Variants in TRIO observed in about 807,000 individuals in gnomAD.
TRIO encodes the protein triple functional domain protein.
A neutral mutation model predicts 351.9 loss-of-function variants in TRIO; 58 were observed. The ratio of observed to expected loss-of-function variants is 0.16; its 90% CI spans 0.13 to 0.21. The LOEUF (loss-of-function observed/expected upper bound fraction) is 0.21. TRIO is among the 10% of genes least tolerant of loss of function. TRIO has a pLI of 1.00. For missense variants in TRIO, 3,201 were observed against 4,027.8 expected (o/e 0.79, Z 5.56); for synonymous variants, 1,758 against 1,595.7 (o/e 1.10, Z -2.42).
chr5:14,363,787 T>C lies in TRIO; in HGVS notation c.2447T>C (p.Phe816Ser), dbSNP rs1243976587. 1 of 1,614,096 alleles carries C rather than the reference T, an allele frequency of 6.2e-7. No homozygotes were observed. Among genetic ancestry groups the C allele is most frequent in the Non-Finnish European group, 8.5e-7 (1 of 1,180,042 alleles). The change falls in exon 14 of 57, where the codon TTC (phenylalanine) becomes TCC (serine). Residue 816 changes from phenylalanine to serine, a missense_variant. By Grantham distance (155) the Phe-to-Ser change is radical (BLOSUM62 -2). Coordinates refer to ENST00000344204, the MANE Select transcript of TRIO (RefSeq NM_007118.4). ...NDELSQQMND[F>S]DTEDLTIAEQ... is the part of the protein sequence containing the mutation. ...GAGCTTTCTCAGCAAATGAATGACT[T>C]CGACACAGAAGATCTCACGATTGCA...
intron 1 of TRIO, among the ~76,000 whole-genome samples, chr5:14,201,323 G>C (rs1791095544): frequency 6.6e-6 from 1 of 152,040 alleles, no homozygotes; most frequent in South Asian, 2.1e-4. Context: ...AATTTAAGAA[G>C]ATTCTGCTTC....
At chr5:14,387,066 A>T (rs1746608200) in intron 21 of TRIO, among the ~76,000 whole-genome samples, 1 of 152,234 alleles carries the variant, frequency 6.6e-6, no homozygotes, top group Non-Finnish European at 1.5e-5. Context: ...TAGAGCGAGG[A>T]GCTGTCTTTG....
rs144645388 is a variant in TRIO at position 14,335,022 on chromosome 5, C to CGTGT, written c.1855-1497_1855-1494dup. On this transcript the variant is annotated intron_variant, in intron 10 of 56. Coordinates refer to ENST00000344204, the MANE Select transcript of TRIO (RefSeq NM_007118.4). ...TGAAAGCTGCTTTTTAGATCTGTCT[C>CGTGT]GTGTGTGTGTGTGTGTGTGTACACA... is the stretch of plus-strand genomic sequence containing the variant. Among the ~76,000 whole-genome samples the CGTGT allele has an allele frequency of 3.1e-3, 470 of 150,588 alleles. 2 individuals are homozygous for CGTGT. Among genetic ancestry groups the CGTGT allele is most frequent in the African/African-American group, 4.1e-3 (168 of 41,150 alleles).
intron 8 of TRIO, among the ~76,000 whole-genome samples, chr5:14,306,141 G>C (rs1426468467): frequency 6.6e-6 from 1 of 152,208 alleles, no homozygotes; most frequent in Non-Finnish European, 1.5e-5. Flanking sequence ...TTCAGAATGT[G>C]GGCAGTCCTT....
chr5:14,155,997 A>G (rs164524), intron 1 of TRIO, among the ~76,000 whole-genome samples: 9,702 of 152,188 alleles, frequency 0.064, 1,065 homozygotes, highest in African/African-American at 0.22. Flanking sequence ...ACTTTGTACT[A>G]TAAGGAAGAG....
intron 27 of TRIO, among the ~76,000 whole-genome samples, chr5:14,393,154 A>G (rs1414301294): frequency 6.6e-6 from 1 of 152,116 alleles, no homozygotes; most frequent in Non-Finnish European, 1.5e-5. Context: ...ACAGAAAACC[A>G]AACACCACAT....
intron 19 of TRIO, among the ~76,000 whole-genome samples, chr5:14,377,339 A>G (rs1387114586): frequency 6.6e-6 from 1 of 151,074 alleles, no homozygotes; most frequent in African/African-American, 2.4e-5. Context: ...TCTGCCTCCC[A>G]GGTTCAAGGA....
intron 1 of TRIO, among the ~76,000 whole-genome samples, chr5:14,226,418 G>A (rs1211978637): frequency 6.6e-6 from 1 of 152,174 alleles, no homozygotes; most frequent in Non-Finnish European, 1.5e-5. Flanking sequence ...CAGCTTTCTG[G>A]TTGTGAACAA....
chr5:14,376,296 T>G (rs1277912033), intron 19 of TRIO, among the ~76,000 whole-genome samples: 1 of 152,202 alleles, frequency 6.6e-6, no homozygotes, highest in African/African-American at 2.4e-5. Context: ...TTTCTTAAGT[T>G]TTTTGTTTGT....
chr5:14,247,062 A>AC (rs1240172522), intron 1 of TRIO, among the ~76,000 whole-genome samples: 1 of 151,610 alleles, frequency 6.6e-6, no homozygotes, highest in African/African-American at 2.4e-5. Context: ...CTGTCTGTCC[A>AC]CCCCCCACCT....
At chr5:14,340,398 A>G (rs78934411) in intron 11 of TRIO, among the ~76,000 whole-genome samples, 6 of 38,812 alleles carry the variant, frequency 1.5e-4, no homozygotes, top group African/African-American at 3.8e-4. Flanking sequence ...CTCCGTCTGG[A>G]AAAAAAAAAA....
intron 1 of TRIO, among the ~76,000 whole-genome samples, chr5:14,190,888 G>A (rs1041014186): frequency 1.2e-4 from 18 of 152,128 alleles, no homozygotes; most frequent in African/African-American, 3.6e-4. Context: ...GCCAGATAAC[G>A]GATAGCCATT....
chr5:14,461,035 C>T lies in TRIO; in HGVS notation c.5220C>T (p.Ser1740=). The T allele has an allele frequency of 1.9e-6, 3 of 1,577,484 alleles. No homozygotes were observed. Among genetic ancestry groups the T allele is most frequent in the Non-Finnish European group, 2.6e-6 (3 of 1,160,334 alleles). The part of the protein sequence containing the change: ...IFNHKDSLSV[S]SNDASPPASV... ...CCCTGGCAGACTCGCTCTCCGTCTC[C>T]AGCAATGACGCCAGTCCACCCGCAT... Residue 1740 remains serine, a synonymous_variant, in exon 35 of 57, where the codon TCC becomes TCT. Transcript: ENST00000344204.
At chr5:14,346,813 T>C (rs527958891) in intron 11 of TRIO, among the ~76,000 whole-genome samples, 1 of 152,304 alleles carries the variant, frequency 6.6e-6, no homozygotes, top group South Asian at 2.1e-4. Context: ...ATGGCTATAA[T>C]AAAAGAATCA....
intron 31 of TRIO, among the ~76,000 whole-genome samples, chr5:14,401,490 G>A (rs922008887): frequency 1.3e-5 from 2 of 152,210 alleles, no homozygotes; most frequent in South Asian, 2.1e-4. Context: ...GAGGCCAACC[G>A]TACCCACAGT....
chr5:14,420,947 C>A (rs1750075167), intron 34 of TRIO: 1 of 152,238 alleles, frequency 6.6e-6, no homozygotes, highest in South Asian at 2.1e-4. Flanking sequence ...GGCGAAAGAA[C>A]TAGGCATTCA....
At chr5:14,297,307 A>T (rs1737447996) in intron 7 of TRIO, 44 bp downstream of exon 7, 11 of 1,578,254 alleles carry the variant, frequency 7.0e-6, no homozygotes, top group Non-Finnish European at 9.5e-6. Flanking sequence ...TAACCAGAAT[A>T]GTTCTTCCTC....
intron 27 of TRIO, among the ~76,000 whole-genome samples, 166 bp from the exon 28 acceptor site, chr5:14,393,872 G>A (rs1199141830): frequency 1.3e-5 from 2 of 152,146 alleles, no homozygotes; most frequent in African/African-American, 2.4e-5. Flanking sequence ...AAGCAAAGAA[G>A]TTTGTGTTAA....
chr5:14,279,231 A>G lies in TRIO; in HGVS notation c.233-1091A>G, dbSNP rs140969135. 4.8e-4 allele frequency among the ~76,000 whole-genome samples: 73 copies of G among 152,334 alleles called. No homozygotes were observed. In the East Asian group the frequency reaches 0.012, roughly 26 times the overall value. ...TTCCCAATCAAAATGAAGTTTCATTATTATTTAGAATGAGTACATAATTCC... is the reference window on the plus strand; with the variant it reads ...TTCCCAATCAAAATGAAGTTTCATTGTTATTTAGAATGAGTACATAATTCC... On this transcript the variant is annotated intron_variant, in intron 2 of 56. Coordinates refer to ENST00000344204, the MANE Select transcript of TRIO (RefSeq NM_007118.4).
Sources: gnomAD v4.1 joint callset for allele counts (sites outside exome capture counted in the v4.1 genomes callset) on GRCh38, gnomAD v4.1.1 for gene constraint, MANE v1.5 for transcripts, NCBI Gene and HGNC (gene_info 2026-07-23, HGNC 2026-07-21) for gene names.